Variants in FOLH1 observed in about 807,000 individuals in gnomAD.
The protein encoded by FOLH1 is glutamate carboxypeptidase 2.
FOLH1 carries 54 observed loss-of-function variants against 93.9 expected under a neutral mutation model. That is an observed-to-expected ratio of 0.57 (90% CI 0.46 to 0.72). The LOEUF is 0.72. FOLH1 is among the 30% of genes least tolerant of loss of function. The probability of loss-of-function intolerance (pLI) is 0.00; values close to 1 mark genes in which losing one functional copy is unlikely to be tolerated. For missense variants in FOLH1, 571 were observed against 892.5 expected (o/e 0.64, Z 4.59); for synonymous variants, 249 against 303.6 (o/e 0.82, Z 1.87).
At position 49,174,876 on chromosome 11, in the gene FOLH1, C is replaced by A. The variant is rs1200909005; in HGVS notation, c.1105+16G>T. 14 of 1,590,212 alleles carry A rather than the reference C, an allele frequency of 8.8e-6. No individual in the cohort carries two copies. Among genetic ancestry groups the A allele is most frequent in the Non-Finnish European group, 1.1e-5 (13 of 1,163,582 alleles). ...AGTTACTTGATCAATATTTGCTAAG[C>A]AAACGATTCCTTTACCTGGTTCCAC... On this transcript the variant is annotated intron_variant, in intron 9 of 18. Coordinates refer to ENST00000256999, the MANE Select transcript of FOLH1 (RefSeq NM_004476.3).
At chr11:49,169,503 A>T (rs558275792) in intron 11 of FOLH1, among the ~76,000 whole-genome samples, 1 of 152,318 alleles carries the variant, frequency 6.6e-6, no homozygotes, top group South Asian at 2.1e-4. Flanking sequence ...CCATATACTT[A>T]TGGTAAGTGG....
chr11:49,148,160 T>A (rs1565121850), intron 18 of FOLH1, among the ~76,000 whole-genome samples: 1 of 151,784 alleles, frequency 6.6e-6, no homozygotes, highest in Non-Finnish European at 1.5e-5. Flanking sequence ...CTGTCAGGAT[T>A]TAGGAGGAAA....
rs190525661 is a variant in FOLH1 at position 49,183,495 on chromosome 11, T to C, written c.827-253A>G. 4.6e-5 allele frequency among the ~76,000 whole-genome samples: 7 copies of C among 152,264 alleles called. No individual in the cohort carries two copies. In the East Asian group the frequency reaches 5.8e-4, roughly 13 times the overall value. On this transcript the variant is annotated intron_variant, in intron 6 of 18. Transcript: ENST00000256999. Reference sequence around the variant, plus strand: ...AGCAATGTCAAGCAGAAATGTGCACTATGGCACAGCAATTCCACTCCTGGG... The same window carrying C: ...AGCAATGTCAAGCAGAAATGTGCACCATGGCACAGCAATTCCACTCCTGGG...
At chr11:49,169,575 A>G (rs1858952736) in intron 11 of FOLH1, among the ~76,000 whole-genome samples, 1 of 152,268 alleles carries the variant, frequency 6.6e-6, no homozygotes, top group South Asian at 2.1e-4. Context: ...CTTAGCAAAC[A>G]TGAATGACCT....
At chr11:49,177,622 C>G (rs112259494) in intron 7 of FOLH1, among the ~76,000 whole-genome samples, 2 of 151,356 alleles carry the variant, frequency 1.3e-5, no homozygotes, top group South Asian at 4.2e-4. Flanking sequence ...GCTGAAAGTG[C>G]GGGAGAATGC....
At chr11:49,181,470 C>T (rs1860729551) in intron 7 of FOLH1, among the ~76,000 whole-genome samples, 1 of 151,698 alleles carries the variant, frequency 6.6e-6, no homozygotes, top group African/African-American at 2.4e-5. Flanking sequence ...TTGAAATTTG[C>T]TTTTCTTCAC....
intron 12 of FOLH1, among the ~76,000 whole-genome samples, 170 bp from the exon 13 acceptor site, chr11:49,164,942 G>A (rs1347847057): frequency 6.6e-6 from 1 of 152,026 alleles, no homozygotes; most frequent in East Asian, 1.9e-4. Flanking sequence ...TTCTCACCAT[G>A]GCCCACACTG....
At chr11:49,182,154 C>A (rs1012077728) in intron 7 of FOLH1, among the ~76,000 whole-genome samples, 1 of 151,660 alleles carries the variant, frequency 6.6e-6, no homozygotes, top group African/African-American at 2.4e-5. Flanking sequence ...CATGGTGAAA[C>A]CCCATCTCTA....
At chr11:49,186,790 T>A in intron 4 of FOLH1, 21 bp from the exon 5 acceptor site, 1 of 1,570,682 alleles carries the variant, frequency 6.4e-7, no homozygotes, top group East Asian at 2.3e-5. Flanking sequence ...CGGGAATGAC[T>A]TAATATGAGT....
chr11:49,180,013 A>G lies in FOLH1; in HGVS notation c.920+3136T>C, dbSNP rs118006893. ...TTAAAGGTCTCCCGAGCAGAGGCAT[A>G]AGAATGAGCCAATACTATAATCAAC... On this transcript the variant is annotated intron_variant, in intron 7 of 18. Coordinates refer to ENST00000256999, the MANE Select transcript of FOLH1 (RefSeq NM_004476.3). Among the ~76,000 whole-genome samples the G allele has an allele frequency of 9.6e-3, 1,462 of 152,330 alleles. 9 individuals are homozygous for G. The highest frequency in any genetic ancestry group is 0.014 in the Non-Finnish European group (960 of 68,034).
At chr11:49,174,408 A>G (rs906445279) in intron 9 of FOLH1, among the ~76,000 whole-genome samples, 2 of 152,088 alleles carry the variant, frequency 1.3e-5, no homozygotes, top group Non-Finnish European at 2.9e-5. Context: ...CTGAACTTCT[A>G]TGGAAATCAT....
intron 7 of FOLH1, among the ~76,000 whole-genome samples, chr11:49,180,997 C>T (rs573028163): frequency 6.6e-6 from 1 of 152,140 alleles, no homozygotes; most frequent in Non-Finnish European, 1.5e-5. Context: ...TGATATTGAC[C>T]TAGTAAACCA....
intron 3 of FOLH1, among the ~76,000 whole-genome samples, chr11:49,199,805 G>A (rs1360826756): frequency 2.6e-5 from 4 of 151,976 alleles, no homozygotes; most frequent in Non-Finnish European, 4.4e-5. Flanking sequence ...CAGCTACTCA[G>A]GAGACTGAGG....
intron 17 of FOLH1, among the ~76,000 whole-genome samples, chr11:49,150,232 G>A (rs1856344601): frequency 6.6e-6 from 1 of 152,126 alleles, no homozygotes; most frequent in Non-Finnish European, 1.5e-5. Flanking sequence ...TTGTTCAAAT[G>A]TCAATTGTAA....
At position 49,194,604 on chromosome 11, in the gene FOLH1, G is replaced by A. The variant is rs188358017; in HGVS notation, c.412-1710C>T. Among the ~76,000 whole-genome samples, 96 of 151,488 alleles carry A rather than the reference G, an allele frequency of 6.3e-4. 1 individual carries two copies. The highest frequency in any genetic ancestry group is 2.2e-3 in the African/African-American group (91 of 41,328). On this transcript the variant is annotated intron_variant, in intron 3 of 18. Transcript: ENST00000256999. ...AAGGAAGAGTAAAATTCACACTAGA[G>A]GAAGGTAAAAGTGACCTAAATATTG...
At chr11:49,202,734 G>C (rs1863414519) in intron 2 of FOLH1, among the ~76,000 whole-genome samples, 1 of 152,166 alleles carries the variant, frequency 6.6e-6, no homozygotes, top group Admixed American at 6.5e-5. Flanking sequence ...GTGTTTCCAA[G>C]ACTTCAAGAT....
chr11:49,181,515 A>T (rs1477676140), intron 7 of FOLH1, among the ~76,000 whole-genome samples: 3 of 152,196 alleles, frequency 2.0e-5, no homozygotes, highest in South Asian at 4.1e-4. Context: ...ATTATTAATT[A>T]TTCTGGTACT....
intron 4 of FOLH1, among the ~76,000 whole-genome samples, chr11:49,187,067 C>T (rs1360908184): frequency 2.6e-5 from 4 of 152,096 alleles, no homozygotes; most frequent in Admixed American, 6.5e-5. Context: ...AAAGCATATA[C>T]GTGTACACAT....
chr11:49,169,398 C>G lies in FOLH1; in HGVS notation c.1309-140G>C, dbSNP rs536483835. 2.5e-4 allele frequency: 161 copies of G among 648,782 alleles called. 2 individuals carry two copies. The South Asian group carries it at 4.0e-3, about 16-fold the overall frequency. 40.2% of individuals were successfully genotyped at this position (648,782 alleles called of 1,614,324 possible). A position where few individuals can be genotyped will look rare whatever the true frequency, so the allele number is the denominator to read the frequency against. ...CGACAAATTTGACATAAGAAATTCTCATAAAAGAGCTGCTTTGAAAGAATT... is the reference window on the plus strand; with the variant it reads ...CGACAAATTTGACATAAGAAATTCTGATAAAAGAGCTGCTTTGAAAGAATT... On this transcript the variant is annotated intron_variant, in intron 11 of 18. Transcript: ENST00000256999.
Sources: allele counts gnomAD v4.1 joint callset (sites outside exome capture counted in the v4.1 genomes callset), GRCh38; gene constraint gnomAD v4.1.1; transcripts MANE v1.5; gene names NCBI Gene and HGNC (gene_info 2026-07-23, HGNC 2026-07-21).